Variants in GRAMD1C observed in about 807,000 individuals in gnomAD.
GRAMD1C encodes protein Aster-C.
A neutral mutation model predicts 97.8 loss-of-function variants in GRAMD1C; 89 were observed. That is an observed-to-expected ratio of 0.91 (90% CI 0.77 to 1.09). The LOEUF (loss-of-function observed/expected upper bound fraction) is 1.09. Ranked by LOEUF, GRAMD1C falls within the 50% of genes least tolerant of loss-of-function variation. The pLI is 0.00. For synonymous variants in GRAMD1C, 256 were observed against 267.0 expected (o/e 0.96, Z 0.40); for missense variants, 740 against 766.4 (o/e 0.97, Z 0.41).
At position 113,865,375 on chromosome 3, in the gene GRAMD1C, A is replaced by G. The variant is rs1934546016; in HGVS notation, c.175-4132A>G. 5.3e-5 allele frequency among the ~76,000 whole-genome samples: 8 copies of G among 152,310 alleles called. No homozygotes were observed. In the South Asian group the frequency reaches 1.0e-3, roughly 20 times the overall value. On this transcript the variant is annotated intron_variant, in intron 2 of 17. Coordinates refer to ENST00000358160, the MANE Select transcript of GRAMD1C (RefSeq NM_017577.5). ...AGCAACTACCAAAACTCATTAAAAA[A>G]TCTGCTTGTGAGGCTATGGAGTGTG... is the stretch of plus-strand genomic sequence containing the variant.
At chr3:113,875,462 T>C (rs776488488) in intron 3 of GRAMD1C, 22 bp from the exon 4 acceptor site, 5 of 960,604 alleles carry the variant, frequency 5.2e-6, no homozygotes, top group Admixed American at 5.2e-5. Flanking sequence ...GAATAAGCTG[T>C]ATCTTATTTT....
chr3:113,855,368 A>G (rs1256300512), intron 2 of GRAMD1C, among the ~76,000 whole-genome samples: 1 of 152,076 alleles, frequency 6.6e-6, no homozygotes, highest in Non-Finnish European at 1.5e-5. Flanking sequence ...CATGAGCTAC[A>G]TGGGAGAGTG....
intron 2 of GRAMD1C, among the ~76,000 whole-genome samples, chr3:113,859,200 T>C (rs1262442384): frequency 2.9e-4 from 44 of 152,196 alleles, no homozygotes; most frequent in Non-Finnish European, 1.5e-5. Flanking sequence ...TTTTCTAATG[T>C]GGGCATTTAG....
chr3:113,887,828 A>T (rs1192444068), intron 6 of GRAMD1C, among the ~76,000 whole-genome samples: 2 of 151,998 alleles, frequency 1.3e-5, no homozygotes, highest in East Asian at 3.8e-4. Context: ...CTAACCTTAT[A>T]AAAATAAGAA....
intron 2 of GRAMD1C, among the ~76,000 whole-genome samples, chr3:113,860,637 G>C (rs1473189518): frequency 6.6e-6 from 1 of 152,134 alleles, no homozygotes; most frequent in Non-Finnish European, 1.5e-5. Context: ...TTACTACAAA[G>C]CTACAATAAT....
rs1025730655 is a variant in GRAMD1C, at chr3:113,936,366, A to G, written c.1557A>G (p.Thr519=). ...LRRRRRTFNR[T]AETVPKLSSQ... ...GGAGAAGGCGAACCTTCAACCGAAC[A>G]GCAGAAACAGTTCCTAAACTTTCCT... The change falls in exon 14 of 18, where the codon ACA becomes ACG. Residue 519 remains threonine, a synonymous_variant. Coordinates refer to ENST00000358160, the MANE Select transcript of GRAMD1C (RefSeq NM_017577.5). 2 of 1,613,260 alleles carry G rather than the reference A, an allele frequency of 1.2e-6. No homozygotes were observed. The highest frequency in any genetic ancestry group is 2.7e-5 in the African/African-American group (2 of 74,916).
intron 8 of GRAMD1C, 60 bp downstream of exon 8, chr3:113,904,332 C>T (rs1366526710): frequency 3.5e-6 from 4 of 1,151,152 alleles, no homozygotes; most frequent in South Asian, 1.4e-5. Flanking sequence ...AATCAGAATA[C>T]AAGATAAATA....
At chr3:113,846,822 A>T (rs961541128) in intron 2 of GRAMD1C, among the ~76,000 whole-genome samples, 1 of 152,204 alleles carries the variant, frequency 6.6e-6, no homozygotes, top group African/African-American at 2.4e-5. Context: ...GCTGATTGCA[A>T]ACACTTCATT....
chr3:113,846,952 GA>G (rs1261713111), intron 2 of GRAMD1C, among the ~76,000 whole-genome samples: 1 of 152,042 alleles, frequency 6.6e-6, no homozygotes, highest in East Asian at 1.9e-4. Flanking sequence ...CAACAACTCA[GA>G]AGCAAACAAA....
At position 113,942,735 on chromosome 3, in the gene GRAMD1C, T is replaced by C. The variant is rs146918098; in HGVS notation, c.1908+2390T>C. ...AAGCCAGGCAGCCAGAGACCCTCTG[T>C]TTTATCCTGCACGGAAAATAAAATT... On this transcript the variant is annotated intron_variant, in intron 17 of 17. Coordinates refer to ENST00000358160, the MANE Select transcript of GRAMD1C (RefSeq NM_017577.5). Among the ~76,000 whole-genome samples, 339 of 152,324 alleles carry C rather than the reference T, an allele frequency of 2.2e-3. 5 individuals are homozygous for C. In the South Asian group the frequency reaches 0.028, roughly 12 times the overall value.
chr3:113,858,765 AC>A (rs1211500418), intron 2 of GRAMD1C, among the ~76,000 whole-genome samples: 2 of 151,666 alleles, frequency 1.3e-5, no homozygotes, highest in African/African-American at 4.8e-5. Flanking sequence ...TACCATGTTG[AC>A]CAGGCTGGTC....
chr3:113,914,620 C>A (rs1370093678), intron 9 of GRAMD1C, among the ~76,000 whole-genome samples: 1 of 151,502 alleles, frequency 6.6e-6, no homozygotes, highest in Non-Finnish European at 1.5e-5. Context: ...GAAATCATTA[C>A]AATTTCATAT....
In GRAMD1C at chr3:113,876,094, A is replaced by AT. The variant is rs918412425; in HGVS notation, c.364-70dup. ...AAGTTGAATATTCTGGATTAGATTG[A>AT]TGGGATACTTGGCATTTTGTATTGT... On this transcript the variant is annotated intron_variant, in intron 4 of 17. Transcript: ENST00000358160. The AT allele has an allele frequency of 3.0e-5, 22 of 732,716 alleles. No homozygotes were observed. The African/African-American group carries it at 3.5e-4, about 12-fold the overall frequency. 45.4% of individuals were successfully genotyped at this position (732,716 alleles called of 1,614,324 possible).
At chr3:113,891,564 G>A (rs1479906029) in intron 6 of GRAMD1C, among the ~76,000 whole-genome samples, 1 of 151,874 alleles carries the variant, frequency 6.6e-6, no homozygotes, top group Non-Finnish European at 1.5e-5. Context: ...TAAGTAATTT[G>A]AATAATACAT....
intron 3 of GRAMD1C, among the ~76,000 whole-genome samples, chr3:113,871,085 G>A (rs936694699): frequency 6.6e-6 from 1 of 151,444 alleles, no homozygotes; most frequent in African/African-American, 2.4e-5. Context: ...AATGATTTTG[G>A]TGCATCAAAT....
intron 10 of GRAMD1C, among the ~76,000 whole-genome samples, chr3:113,921,730 A>G (rs1937063419): frequency 6.6e-6 from 1 of 152,122 alleles, no homozygotes; most frequent in Non-Finnish European, 1.5e-5. Flanking sequence ...ACATTTTTTC[A>G]TATGCTTGCT....
Position 113,855,896 on chromosome 3 carries a change from A to T in GRAMD1C, c.174+11247A>T, listed in dbSNP as rs146978802. Among the ~76,000 whole-genome samples, 1,490 of 151,758 alleles carry T rather than the reference A, an allele frequency of 9.8e-3. 15 individuals are homozygous for T. The highest frequency in any genetic ancestry group is 0.015 in the Non-Finnish European group (1,036 of 67,850). On this transcript the variant is annotated intron_variant, in intron 2 of 17. Transcript: ENST00000358160. Reference sequence around the variant, plus strand: ...TCTTATATAGAATTAACACTTAAAAAATTCTTTTTTGAGACAGAGCCTTGC... The same window carrying T: ...TCTTATATAGAATTAACACTTAAAATATTCTTTTTTGAGACAGAGCCTTGC...
chr3:113,865,270 C>G (rs1934541243), intron 2 of GRAMD1C, among the ~76,000 whole-genome samples: 1 of 152,132 alleles, frequency 6.6e-6, no homozygotes, highest in Non-Finnish European at 1.5e-5. Context: ...TCTTAAAGTT[C>G]CTACCACCTC....
intron 6 of GRAMD1C, chr3:113,885,671 C>T (rs1935448560): frequency 6.6e-7 from 1 of 1,517,720 alleles, no homozygotes; most frequent in Non-Finnish European, 9.1e-7. Flanking sequence ...GCCAGTGGTA[C>T]GAGCTGGTGG....
Sources: allele counts gnomAD v4.1 joint callset (sites outside exome capture counted in the v4.1 genomes callset), GRCh38; gene constraint gnomAD v4.1.1; transcripts MANE v1.5; gene names NCBI Gene and HGNC (gene_info 2026-07-23, HGNC 2026-07-21).